Variants in RNF144A observed in about 807,000 individuals in gnomAD.
RNF144A encodes the protein E3 ubiquitin-protein ligase RNF144A.
Under a neutral mutation model 38.7 loss-of-function variants are expected in RNF144A, and 11 were observed. That is an observed-to-expected ratio of 0.28 (90% CI 0.18 to 0.47). The LOEUF (loss-of-function observed/expected upper bound fraction) is 0.47, where lower values mean the gene tolerates loss of function less well. RNF144A is among the 20% of genes least tolerant of loss of function. The pLI is 0.99. For synonymous variants in RNF144A, 149 were observed against 143.9 expected (o/e 1.04, Z -0.25); for missense variants, 316 against 377.2 (o/e 0.84, Z 1.34).
intron 6 of RNF144A, among the ~76,000 whole-genome samples, chr2:7,023,440 G>A (rs1671665155): frequency 6.6e-6 from 1 of 152,080 alleles, no homozygotes; most frequent in African/African-American, 2.4e-5. Context: ...AAGCTGCCCC[G>A]AGAAGGAGGG....
At chr2:6,976,990 C>T (rs138072421) in intron 2 of RNF144A, among the ~76,000 whole-genome samples, 1 of 152,190 alleles carries the variant, frequency 6.6e-6, no homozygotes, top group East Asian at 1.9e-4. Context: ...TTCATGCCTG[C>T]AATTATTTGT....
downstream of RNF144A, among the ~76,000 whole-genome samples, chr2:7,046,931 T>C (rs1673330988): frequency 6.6e-6 from 1 of 152,222 alleles, no homozygotes. Flanking sequence ...CGTGAGTACA[T>C]GTGATGTGTT....
intron 1 of RNF144A, among the ~76,000 whole-genome samples, chr2:6,925,550 A>G (rs992190073): frequency 3.3e-5 from 5 of 152,164 alleles, no homozygotes; most frequent in African/African-American, 1.2e-4. Context: ...CATTTATCCA[A>G]GGACAGAAGC....
rs74555163 is a variant in RNF144A, at chr2:7,042,815, T to C, written c.*3055T>C. ...AAATTAGTTCTTCCTCCTCAACTCA[T>C]AGGAGTAGCTGTGGACAGAGGAACC... On this transcript the variant is annotated 3_prime_UTR_variant, in exon 9 of 9. Transcript: ENST00000320892. The C allele has an allele frequency of 0.082, 81,204 of 985,100 alleles. 3,542 individuals carry two copies. Among genetic ancestry groups the C allele is most frequent in the Middle Eastern group, 0.18 (338 of 1,912 alleles). 61.0% of individuals were successfully genotyped at this position (985,100 alleles called of 1,614,324 possible). A position where few individuals can be genotyped will look rare whatever the true frequency, so the allele number is the denominator to read the frequency against.
chr2:7,004,277 A>G (rs3771985), intron 3 of RNF144A, among the ~76,000 whole-genome samples: 36,402 of 152,168 alleles, frequency 0.24, 5,413 homozygotes, highest in East Asian at 0.64. Context: ...TGCAGATGTC[A>G]CTTACTCCCC....
At chr2:6,956,860 C>T (rs1236338799) in intron 2 of RNF144A, among the ~76,000 whole-genome samples, 1 of 152,152 alleles carries the variant, frequency 6.6e-6, no homozygotes, top group East Asian at 1.9e-4. Flanking sequence ...TTATCTGCAG[C>T]AAAGTTCTGA....
Position 7,040,794 on chromosome 2 carries a change from A to AT in RNF144A, c.*1039dup. On this transcript the variant is annotated 3_prime_UTR_variant, in exon 9 of 9. Transcript: ENST00000320892. Reference sequence around the variant, plus strand: ...AGGGAAGAGCCTGCCAGATTTTCACATTTTTAAAATGTTCTAGTCATTTTG... The same window carrying AT: ...AGGGAAGAGCCTGCCAGATTTTCACATTTTTTAAAATGTTCTAGTCATTTTG... The AT allele has an allele frequency of 1.0e-6, 1 of 985,476 alleles. No individual in the cohort carries two copies. The highest frequency in any genetic ancestry group is 1.2e-6 in the Non-Finnish European group (1 of 829,938). 61.0% of individuals were successfully genotyped at this position (985,476 alleles called of 1,614,324 possible).
In RNF144A at chr2:6,964,190, A is replaced by T. The variant is rs1338088734; in HGVS notation, c.-12+23043A>T. On this transcript the variant is annotated intron_variant, in intron 2 of 8. Coordinates refer to ENST00000320892, the MANE Select transcript of RNF144A (RefSeq NM_014746.6). ...TGTCCTTTGCCCACTTTTTGAAGAC[A>T]TTTATGCAGCCAAAAAACACATGAA... 3.3e-5 allele frequency among the ~76,000 whole-genome samples: 5 copies of T among 152,224 alleles called. No homozygotes were observed. In the East Asian group the frequency reaches 9.6e-4, roughly 29 times the overall value.
chr2:7,040,564 A>G lies in RNF144A; in HGVS notation c.*804A>G. 2 of 985,438 alleles carry G rather than the reference A, an allele frequency of 2.0e-6. No homozygotes were observed. The highest frequency in any genetic ancestry group is 2.4e-6 in the Non-Finnish European group (2 of 829,930). The allele number at this position is 985,438 out of a possible 1,614,324, so 61.0% of individuals were successfully genotyped here. A position where few individuals can be genotyped will look rare whatever the true frequency, so the allele number is the denominator to read the frequency against. On this transcript the variant is annotated 3_prime_UTR_variant, in exon 9 of 9. Coordinates refer to ENST00000320892, the MANE Select transcript of RNF144A (RefSeq NM_014746.6). ...TCTCTTTGGTGATTCAGCTCAGCTC[A>G]TGGGCCTCATCCCTTCTCTCCCAGG...
intron 6 of RNF144A, among the ~76,000 whole-genome samples, chr2:7,052,545 G>A (rs1395129438): frequency 1.3e-5 from 2 of 152,136 alleles, no homozygotes; most frequent in African/African-American, 4.8e-5. Context: ...TAGAGGCAGC[G>A]AGGGGTCATT....
chr2:6,996,901 C>T lies in RNF144A; in HGVS notation c.-11-15C>T. 1 of 1,609,082 alleles carries T rather than the reference C, an allele frequency of 6.2e-7. No homozygotes were observed. The highest frequency in any genetic ancestry group is 8.5e-7 in the Non-Finnish European group (1 of 1,176,804). On this transcript the variant is annotated splice_polypyrimidine_tract_variant and intron_variant, in intron 2 of 8. Coordinates refer to ENST00000320892, the MANE Select transcript of RNF144A (RefSeq NM_014746.6). Reference sequence around the variant, plus strand: ...GGGTGGGGAGGTCTGACCTTCCGTGCTTCTCTCGTTTCAGACTGTTCTGCG... The same window carrying T: ...GGGTGGGGAGGTCTGACCTTCCGTGTTTCTCTCGTTTCAGACTGTTCTGCG...
intron 2 of RNF144A, among the ~76,000 whole-genome samples, chr2:6,976,772 T>C (rs1384039869): frequency 1.3e-5 from 2 of 151,776 alleles, no homozygotes; most frequent in African/African-American, 4.8e-5. Flanking sequence ...CCTTTGTCTG[T>C]TGTACCATCA....
intron 5 of RNF144A, among the ~76,000 whole-genome samples, chr2:7,016,126 A>G (rs1671122246): frequency 6.6e-6 from 1 of 150,838 alleles, no homozygotes; most frequent in Non-Finnish European, 1.5e-5. Flanking sequence ...AAAAAAAGAA[A>G]GAAAAAGAAA....
rs1387237030 is a variant in RNF144A, at chr2:6,958,688, G to A, written c.-12+17541G>A. On this transcript the variant is annotated intron_variant, in intron 2 of 8. Coordinates refer to ENST00000320892, the MANE Select transcript of RNF144A (RefSeq NM_014746.6). This position sits in a 1 kb window ranked among gnomAD's most constrained non-coding sequence, Gnocchi z 4.5. ...ATTCTGGGGGACTGTCCACGTGACC[G>A]TAATCTATTTCCCAGAGGGTCCCAG... 2.6e-5 allele frequency among the ~76,000 whole-genome samples: 4 copies of A among 152,180 alleles called. No individual in the cohort carries two copies. The highest frequency in any genetic ancestry group is 7.2e-5 in the African/African-American group (3 of 41,442).
At chr2:6,989,481 C>G (rs757242422) in intron 2 of RNF144A, among the ~76,000 whole-genome samples, 1 of 152,182 alleles carries the variant, frequency 6.6e-6, no homozygotes, top group Non-Finnish European at 1.5e-5. Context: ...ATTACAGGTT[C>G]GGCCCATTCC....
rs183229959 is a variant in RNF144A at position 7,057,190 on chromosome 2, A to G, written c.735-11026A>G. 2.7e-3 allele frequency among the ~76,000 whole-genome samples: 416 copies of G among 152,360 alleles called. 3 individuals are homozygous for G. Among genetic ancestry groups the G allele is most frequent in the African/African-American group, 9.8e-3 (407 of 41,582 alleles). On this transcript the variant is annotated intron_variant, in intron 6 of 6. Transcript: ENST00000432850. ...GACCTTTCTATATACCCTATACAAC[A>G]GATTGAAACAATGAATTGCATTGTA...
At chr2:6,982,879 C>G (rs1227007894) in intron 2 of RNF144A, among the ~76,000 whole-genome samples, 1 of 152,228 alleles carries the variant, frequency 6.6e-6, no homozygotes, top group Non-Finnish European at 1.5e-5. Flanking sequence ...CATTCTCACA[C>G]CTTTAGTACA....
intron 2 of RNF144A, among the ~76,000 whole-genome samples, chr2:6,982,107 C>T (rs1668669533): frequency 6.6e-6 from 1 of 152,146 alleles, no homozygotes; most frequent in Non-Finnish European, 1.5e-5. Flanking sequence ...CAGTCGCCTC[C>T]CACCAGGTCT....
chr2:6,976,792 G>C (rs1668344507), intron 2 of RNF144A, among the ~76,000 whole-genome samples: 1 of 149,954 alleles, frequency 6.7e-6, no homozygotes, highest in Admixed American at 6.7e-5. Flanking sequence ...ATAATGAACA[G>C]ATGGGGTTTA....
Sources: allele counts gnomAD v4.1 joint callset (sites outside exome capture counted in the v4.1 genomes callset), GRCh38; gene constraint gnomAD v4.1.1; non-coding constraint Gnocchi (gnomAD v3.1); transcripts MANE v1.5; gene names NCBI Gene and HGNC (gene_info 2026-07-23, HGNC 2026-07-21).